The following AHI1 variants were observed in gnomAD, a reference collection of about 807,000 sequenced individuals.
AHI1 encodes Abelson helper integration site 1.
A neutral mutation model predicts 149.3 loss-of-function variants in AHI1; 123 were observed. The ratio of observed to expected loss-of-function variants is 0.82; its 90% CI spans 0.71 to 0.96. The LOEUF is 0.96. AHI1 is among the 40% of genes least tolerant of loss of function. The pLI, the probability that AHI1 is intolerant of heterozygous loss-of-function variation, is 0.00. For missense variants in AHI1, 1,439 were observed against 1,422.7 expected (o/e 1.01, Z -0.18); for synonymous variants, 475 against 459.8 (o/e 1.03, Z -0.42).
chr6:135,453,525 A>G, intron 10 of AHI1, 89 bp from the exon 11 acceptor site: 1 of 941,752 alleles, frequency 1.1e-6, no homozygotes, highest in Non-Finnish European at 1.6e-6. Flanking sequence ...TCATTTGTAT[A>G]GTGCTTAAAA....
chr6:135,396,197 GT>G (rs1286395665), intron 22 of AHI1, among the ~76,000 whole-genome samples: 2 of 151,572 alleles, frequency 1.3e-5, no homozygotes. Context: ...AGTTGGGGGG[GT>G]CAAATACCAC....
At chr6:135,465,008 C>T (rs914303411) in intron 7 of AHI1, among the ~76,000 whole-genome samples, 1 of 152,204 alleles carries the variant, frequency 6.6e-6, no homozygotes, top group African/African-American at 2.4e-5. Context: ...TATATACTAT[C>T]ATGTCCCTGC....
intron 22 of AHI1, 28 bp downstream of exon 22, chr6:135,404,923 T>C (rs766332705): frequency 1.9e-6 from 3 of 1,602,270 alleles, no homozygotes; most frequent in South Asian, 1.1e-5. Context: ...CCTTTGAAGT[T>C]ATCTTCCTGG....
rs553341085 is a variant in AHI1 at position 135,316,588 on chromosome 6, CT to C, written c.3426+1930del. Among the ~76,000 whole-genome samples the C allele has an allele frequency of 1.7e-3, 254 of 152,074 alleles. 1 individual carries two copies. Among genetic ancestry groups the C allele is most frequent in the African/African-American group, 5.9e-3 (246 of 41,504 alleles). On this transcript the variant is annotated intron_variant, in intron 26 of 28. Coordinates refer to ENST00000265602, the MANE Select transcript of AHI1 (RefSeq NM_001134831.2). ...CACTTTTTTCTGTTTATTATTTTTT[CT>C]TTTTTTCCTTTTCCTTTATTCTTTC...
chr6:135,329,564 T>C (rs1396605399), intron 24 of AHI1, among the ~76,000 whole-genome samples: 1 of 152,230 alleles, frequency 6.6e-6, no homozygotes, highest in Non-Finnish European at 1.5e-5. Context: ...TTCTCACTGG[T>C]CTACCAAAGA....
At chr6:135,478,294 G>A (rs1241028943) in intron 5 of AHI1, among the ~76,000 whole-genome samples, 1 of 152,174 alleles carries the variant, frequency 6.6e-6, no homozygotes, top group South Asian at 2.1e-4. Flanking sequence ...TTGTTGAATG[G>A]TTATGACCAA....
At chr6:135,300,959 T>C (rs1359928874) in intron 26 of AHI1, 2 of 986,156 alleles carry the variant, frequency 2.0e-6, no homozygotes, top group East Asian at 2.2e-4. Context: ...ATTTTCATAG[T>C]AATACACATT....
intron 27 of AHI1, among the ~76,000 whole-genome samples, chr6:135,290,949 T>G (rs890106922): frequency 7.9e-6 from 1 of 126,408 alleles, no homozygotes; most frequent in Non-Finnish European, 1.5e-5. Context: ...CACAAAAGTA[T>G]AGGACATTCA....
intron 24 of AHI1, among the ~76,000 whole-genome samples, chr6:135,335,392 A>G (rs1339737730): frequency 2.0e-5 from 3 of 152,194 alleles, no homozygotes; most frequent in South Asian, 4.1e-4. Context: ...ATCATCAGTT[A>G]CCTATTATCA....
chr6:135,392,638 G>T (rs1443215780), intron 23 of AHI1, among the ~76,000 whole-genome samples: 5 of 152,134 alleles, frequency 3.3e-5, no homozygotes, highest in Non-Finnish European at 7.4e-5. Context: ...TTGTAGTCAT[G>T]TATTTCAGAT....
chr6:135,487,805 T>G (rs999800926), intron 5 of AHI1, among the ~76,000 whole-genome samples: 4 of 152,168 alleles, frequency 2.6e-5, no homozygotes, highest in African/African-American at 7.2e-5. Flanking sequence ...CCAACTTCTC[T>G]TCATCCCTTC....
intron 23 of AHI1, among the ~76,000 whole-genome samples, chr6:135,370,434 T>A (rs1464263457): frequency 1.3e-5 from 2 of 152,206 alleles, no homozygotes; most frequent in African/African-American, 4.8e-5. Context: ...GAGGACTGAG[T>A]GACATTTGGG....
At chr6:135,307,960 C>A (rs1430723908) in intron 26 of AHI1, among the ~76,000 whole-genome samples, 2 of 152,022 alleles carry the variant, frequency 1.3e-5, no homozygotes, top group Non-Finnish European at 2.9e-5. Context: ...AATTATCCAG[C>A]CCCAAATGCC....
intron 24 of AHI1, among the ~76,000 whole-genome samples, chr6:135,351,574 T>A (rs1479851058): frequency 6.6e-6 from 1 of 152,204 alleles, no homozygotes; most frequent in Non-Finnish European, 1.5e-5. Flanking sequence ...ACATTGCTTC[T>A]CAATGTGAGA....
Position 135,394,915 on chromosome 6 carries a change from T to C in AHI1, c.2989-19A>G, listed in dbSNP as rs761736017. ...TGTTGACCTGTATTAGGAAAACAAATCAGAAACTACAGTGTAATTTCCTGG... is the reference window on the plus strand; with the variant it reads ...TGTTGACCTGTATTAGGAAAACAAACCAGAAACTACAGTGTAATTTCCTGG... On this transcript the variant is annotated intron_variant, in intron 22 of 28. Coordinates refer to ENST00000265602, the MANE Select transcript of AHI1 (RefSeq NM_001134831.2). The C allele has an allele frequency of 3.2e-6, 5 of 1,582,014 alleles. No individual in the cohort carries two copies.
chr6:135,335,681 TCTTA>T (rs772490668), intron 24 of AHI1, among the ~76,000 whole-genome samples: 42 of 152,232 alleles, frequency 2.8e-4, no homozygotes, highest in Non-Finnish European at 5.4e-4. Flanking sequence ...TTTTAAATTC[TCTTA>T]ATGAACTGTA....
At chr6:135,470,805 G>A (rs1791566400) in intron 5 of AHI1, among the ~76,000 whole-genome samples, 1 of 151,896 alleles carries the variant, frequency 6.6e-6, no homozygotes, top group Non-Finnish European at 1.5e-5. Context: ...GGGGGAGGGA[G>A]AGCATCAGGA....
At chr6:135,480,109 C>T (rs1203179246) in intron 5 of AHI1, among the ~76,000 whole-genome samples, 1 of 152,154 alleles carries the variant, frequency 6.6e-6, no homozygotes, top group Non-Finnish European at 1.5e-5. Flanking sequence ...CTCTTTATAG[C>T]AGTGAGAGCA....
At chr6:135,308,174 A>T (rs181631792) in intron 26 of AHI1, among the ~76,000 whole-genome samples, 1 of 152,298 alleles carries the variant, frequency 6.6e-6, no homozygotes, top group Non-Finnish European at 1.5e-5. Flanking sequence ...TCTCAATAAC[A>T]TCTTTCACAT....
Sources: allele counts gnomAD v4.1 joint callset (sites outside exome capture counted in the v4.1 genomes callset), GRCh38; gene constraint gnomAD v4.1.1; transcripts MANE v1.5; gene names NCBI Gene and HGNC (gene_info 2026-07-23, HGNC 2026-07-21).